The following PANK4 variants were observed in gnomAD, a reference collection of about 807,000 sequenced individuals.
The protein encoded by PANK4 is 4'-phosphopantetheine phosphatase.
PANK4 carries 40 observed loss-of-function variants against 87.9 expected under a neutral mutation model. The ratio of observed to expected loss-of-function variants is 0.46; its 90% CI spans 0.35 to 0.59. The LOEUF is 0.59. Ranked by LOEUF, PANK4 falls within the 20% of genes least tolerant of loss-of-function variation. The pLI, the probability that PANK4 is intolerant of heterozygous loss-of-function variation, is 0.00. For missense variants in PANK4, 926 were observed against 1,072.3 expected (o/e 0.86, Z 1.90); for synonymous variants, 524 against 467.4 (o/e 1.12, Z -1.56).
At position 2,518,589 on chromosome 1, in the gene PANK4, C is replaced by T. The variant is rs768550616; in HGVS notation, c.1044G>A (p.Val348=). Residue 348 remains valine (V), a synonymous_variant, in exon 8 of 19, where the codon GTG becomes GTA. Coordinates refer to ENST00000378466, the MANE Select transcript of PANK4 (RefSeq NM_018216.4). ...YSINFFSKGE[V]QALFLRHEGY... ...CTTCGTGCCTCAGAAACAGCGCCTGCACTTCCCCCTGCCGTGGCCAAAGCA... is the reference window on the plus strand; with the variant it reads ...CTTCGTGCCTCAGAAACAGCGCCTGTACTTCCCCCTGCCGTGGCCAAAGCA... The T allele has an allele frequency of 1.3e-6, 2 of 1,568,108 alleles. No homozygotes were observed. The highest frequency in any genetic ancestry group is 1.7e-4 in the Middle Eastern group (1 of 6,014).
intron 13 of PANK4, among the ~76,000 whole-genome samples, chr1:2,512,177 G>C (rs1265771363): frequency 6.6e-6 from 1 of 152,190 alleles, no homozygotes; most frequent in Non-Finnish European, 1.5e-5. Context: ...AATCCCATGG[G>C]TCAGGACCCT....
At chr1:2,525,039 T>C (rs1488567028) in intron 1 of PANK4, among the ~76,000 whole-genome samples, 3 of 152,142 alleles carry the variant, frequency 2.0e-5, no homozygotes, top group African/African-American at 4.8e-5. Flanking sequence ...TAAGAAGCAT[T>C]GCCTCCCATA....
chr1:2,514,722 G>T (rs1328195315), intron 10 of PANK4, among the ~76,000 whole-genome samples: 1 of 151,520 alleles, frequency 6.6e-6, no homozygotes, highest in Middle Eastern at 3.2e-3. Flanking sequence ...CGGGCAGGGT[G>T]GGGGCTGCCT....
At chr1:2,517,851 C>T (rs1475158563) in intron 9 of PANK4, among the ~76,000 whole-genome samples, 1 of 152,222 alleles carries the variant, frequency 6.6e-6, no homozygotes, top group Non-Finnish European at 1.5e-5. Context: ...GGCCTTCTGG[C>T]GTGGGGAGAG....
At chr1:2,513,547 C>G (rs114439409) in intron 12 of PANK4, among the ~76,000 whole-genome samples, 5 of 152,196 alleles carry the variant, frequency 3.3e-5, no homozygotes, top group Non-Finnish European at 7.4e-5. Flanking sequence ...CGGCCCTGCA[C>G]GTTGCCGGGA....
At chr1:2,523,754 G>A (rs542637047) in intron 1 of PANK4, among the ~76,000 whole-genome samples, 2 of 152,090 alleles carry the variant, frequency 1.3e-5, no homozygotes, top group East Asian at 1.9e-4. Context: ...ATCTGTTAGA[G>A]CAGAGGGAAC....
At chr1:2,511,282 C>A (rs766254319) in intron 15 of PANK4, 56 bp downstream of exon 15, 5 of 1,259,160 alleles carry the variant, frequency 4.0e-6, no homozygotes, top group Non-Finnish European at 4.6e-6. Flanking sequence ...CCAGTGACCA[C>A]CCCCCCGGGC....
intron 7 of PANK4, 44 bp from the exon 8 acceptor site, chr1:2,518,641 C>T (rs375776594): frequency 6.8e-7 from 1 of 1,477,312 alleles, no homozygotes; most frequent in African/African-American, 1.4e-5. Context: ...CCCCACACAA[C>T]ACCCGGTGCC....
At chr1:2,516,405 A>G (rs1417806055) in intron 9 of PANK4, among the ~76,000 whole-genome samples, 1 of 151,836 alleles carries the variant, frequency 6.6e-6, no homozygotes, top group South Asian at 2.1e-4. Flanking sequence ...GGCTTTTTCT[A>G]CCTTATGCCG....
rs1346465223 is a variant in PANK4 at position 2,515,496 on chromosome 1, C to T, written c.1374+66G>A. ...CCCTTCGCCACCTTGGCTTTGCCCC[C>T]GGAGCCTTGGAAGGTTAACCCGGCT... On this transcript the variant is annotated intron_variant, in intron 10 of 18. Coordinates refer to ENST00000378466, the MANE Select transcript of PANK4 (RefSeq NM_018216.4). This position sits in a 1 kb window ranked among gnomAD's most constrained non-coding sequence, Gnocchi z 5.0. The T allele has an allele frequency of 1.3e-5, 21 of 1,561,780 alleles. No individual in the cohort carries two copies. The Middle Eastern group carries it at 5.1e-4, about 38-fold the overall frequency.
chr1:2,520,112 G>C lies in PANK4; in HGVS notation c.700-158C>G, dbSNP rs139029933. ...GCAGGAGGCGGCAAGCGGGACCCTC[G>C]GGCCACCCAGCCAGGATAGAAGCTC... On this transcript the variant is annotated intron_variant, in intron 5 of 18. Transcript: ENST00000378466. This position sits in a 1 kb window ranked among gnomAD's most constrained non-coding sequence, Gnocchi z 6.2. 2.9e-4 allele frequency among the ~76,000 whole-genome samples: 44 copies of C among 152,230 alleles called. No individual in the cohort carries two copies. Among genetic ancestry groups the C allele is most frequent in the African/African-American group, 1.0e-3 (43 of 41,520 alleles).
intron 9 of PANK4, among the ~76,000 whole-genome samples, chr1:2,517,371 G>A (rs1160933569): frequency 6.6e-6 from 1 of 152,236 alleles, no homozygotes; most frequent in Non-Finnish European, 1.5e-5. Context: ...TGAACCCCAT[G>A]TCTACAAATG....
chr1:2,518,930 A>T (rs1570544186), intron 7 of PANK4, among the ~76,000 whole-genome samples: 1 of 152,352 alleles, frequency 6.6e-6, no homozygotes, highest in African/African-American at 2.4e-5. Flanking sequence ...GCTCTCTAGA[A>T]TGCTCATCAC....
intron 14 of PANK4, 31 bp from the exon 15 acceptor site, chr1:2,511,418 C>T: frequency 6.4e-7 from 1 of 1,568,454 alleles, no homozygotes; most frequent in South Asian, 1.1e-5. Flanking sequence ...CATGATTAGC[C>T]CGGTGCTCCA....
chr1:2,525,681 G>T (rs994440914), intron 1 of PANK4: 1 of 152,262 alleles, frequency 6.6e-6, no homozygotes, highest in Non-Finnish European at 1.5e-5. Context: ...AGGTGTCCGG[G>T]AGTCAGGAGC....
chr1:2,526,381 T>G (rs1643924252), intron 1 of PANK4, 83 bp downstream of exon 1: 1 of 786,548 alleles, frequency 1.3e-6, no homozygotes, highest in Non-Finnish European at 1.5e-6. Context: ...CCCTTCGTCC[T>G]TCCCGCCGCC....
chr1:2,518,123 T>C (rs1166386200), intron 9 of PANK4, 41 bp downstream of exon 9: 7 of 1,291,606 alleles, frequency 5.4e-6, no homozygotes, highest in Admixed American at 3.8e-5. Context: ...CGGCATAGGC[T>C]GCTCCCCTGG....
Position 2,510,200 on chromosome 1 carries a change from C to A in PANK4, c.1939-43G>T. The A allele has an allele frequency of 7.8e-7, 1 of 1,280,764 alleles. No homozygotes were observed. Among genetic ancestry groups the A allele is most frequent in the Non-Finnish European group, 1.1e-6 (1 of 897,822 alleles). The allele number at this position is 1,280,764 out of a possible 1,614,324, so 79.3% of individuals were successfully genotyped here. On this transcript the variant is annotated intron_variant, in intron 16 of 18. Coordinates refer to ENST00000378466, the MANE Select transcript of PANK4 (RefSeq NM_018216.4). This position sits in a 1 kb window ranked among gnomAD's most constrained non-coding sequence, Gnocchi z 4.9. ...AGGCTCTTTAGGAACCTGTGCTGGC[C>A]CAGCATGGAGCCTGCGTGCACCCCG...
At position 2,510,689 on chromosome 1, in the gene PANK4, TAAG is replaced by T; in HGVS notation, c.1924_1926del (p.Leu642del). 6.3e-7 allele frequency: 1 copy of T among 1,591,320 alleles called. No individual in the cohort carries two copies. Among genetic ancestry groups the T allele is most frequent in the South Asian group, 1.1e-5 (1 of 90,660 alleles). On this transcript the variant is annotated inframe_deletion, in exon 16 of 19. Transcript: ENST00000378466. This position sits in a 1 kb window ranked among gnomAD's most constrained non-coding sequence, Gnocchi z 4.9. ...ACCTCAACACTCACCTCTGTCCCTCTAAGGAGTAGCTCCCTGACAAAGGGGAAG... is the reference window on the plus strand; with the variant it reads ...ACCTCAACACTCACCTCTGTCCCTCTGAGTAGCTCCCTGACAAAGGGGAAG...
Sources: allele counts gnomAD v4.1 joint callset (sites outside exome capture counted in the v4.1 genomes callset), GRCh38; gene constraint gnomAD v4.1.1; non-coding constraint Gnocchi (gnomAD v3.1); transcripts MANE v1.5; gene names NCBI Gene and HGNC (gene_info 2026-07-23, HGNC 2026-07-21).